Variants in SCHIP1 observed in about 807,000 individuals in gnomAD.
SCHIP1 encodes schwannomin interacting protein 1.
A neutral mutation model predicts 29.7 loss-of-function variants in SCHIP1; 8 were observed. The observed-to-expected ratio is 0.27, with a 90% CI of 0.16 to 0.49. The LOEUF (loss-of-function observed/expected upper bound fraction) is 0.49, where lower values mean the gene tolerates loss of function less well. Among genes scored for constraint, SCHIP1 ranks in the 20% least tolerant of loss-of-function variants. SCHIP1 has a pLI of 0.99. For synonymous variants in SCHIP1, 76 were observed against 94.9 expected, an observed-to-expected ratio of 0.80 and a Z score of 1.16; for missense variants, 193 against 294.6, an observed-to-expected ratio of 0.66 and a Z score of 2.52.
the SCHIP1 span, among the ~76,000 whole-genome samples, chr3:159,431,616 C>T: frequency 6.6e-6 from 1 of 151,922 alleles, no homozygotes; most frequent in African/African-American, 2.4e-5. Context: ...AGTAGGTATC[C>T]TGGCTAAGAT....
At chr3:159,895,779 T>A (rs1170872607) in intron 6 of SCHIP1, among the ~76,000 whole-genome samples, 1 of 152,342 alleles carries the variant, frequency 6.6e-6, no homozygotes, top group East Asian at 1.9e-4. Context: ...CACTGGAACC[T>A]CCACCTCCCG....
chr3:159,539,587 C>G, the SCHIP1 span, among the ~76,000 whole-genome samples: 660 of 135,210 alleles, frequency 4.9e-3, 94 homozygotes, highest in South Asian at 0.03. Context: ...ATGGCAGATC[C>G]TTGAGGCTAG....
the SCHIP1 span, among the ~76,000 whole-genome samples, chr3:159,394,378 TC>T: frequency 1.3e-5 from 2 of 152,252 alleles, no homozygotes; most frequent in African/African-American, 2.4e-5. Flanking sequence ...AGAGAGGGCA[TC>T]CCTGTCTTGT....
chr3:159,544,887 C>A, the SCHIP1 span, among the ~76,000 whole-genome samples: 1 of 151,994 alleles, frequency 6.6e-6, no homozygotes, highest in Non-Finnish European at 1.5e-5. Flanking sequence ...TATATGGTAT[C>A]TTTTGTTTCC....
the SCHIP1 span, among the ~76,000 whole-genome samples, chr3:159,335,753 T>C: frequency 6.6e-6 from 1 of 152,204 alleles, no homozygotes; most frequent in African/African-American, 2.4e-5. Flanking sequence ...TTGTTGGAAA[T>C]TTGGGTTGGT....
At chr3:159,744,484 A>G in the SCHIP1 span, among the ~76,000 whole-genome samples, 1 of 152,242 alleles carries the variant, frequency 6.6e-6, no homozygotes, top group Non-Finnish European at 1.5e-5. Flanking sequence ...AGTGAGGAGC[A>G]CTAGAACTTA....
the SCHIP1 span, among the ~76,000 whole-genome samples, chr3:159,480,268 G>A: frequency 3.3e-4 from 50 of 152,254 alleles, no homozygotes; most frequent in African/African-American, 1.1e-3. Flanking sequence ...GTATGAGTAT[G>A]TGGTTATAAT....
At chr3:159,801,521 A>ACATTT in the SCHIP1 span, among the ~76,000 whole-genome samples, 1 of 152,196 alleles carries the variant, frequency 6.6e-6, no homozygotes, top group African/African-American at 2.4e-5. Flanking sequence ...TTCTGCATGG[A>ACATTT]CATTTTGTTA....
chr3:159,505,577 C>T, the SCHIP1 span, among the ~76,000 whole-genome samples: 47 of 152,304 alleles, frequency 3.1e-4, no homozygotes, highest in African/African-American at 8.9e-4. Flanking sequence ...CACCCATTAA[C>T]TCATCATCTA....
the SCHIP1 span, among the ~76,000 whole-genome samples, chr3:159,715,118 T>G: frequency 1.3e-5 from 2 of 152,314 alleles, no homozygotes; most frequent in South Asian, 4.1e-4. Context: ...CTGCTGGTAA[T>G]ACCCAGGCAA....
chr3:159,368,197 C>T, the SCHIP1 span, among the ~76,000 whole-genome samples: 1 of 152,206 alleles, frequency 6.6e-6, no homozygotes, highest in Non-Finnish European at 1.5e-5. Flanking sequence ...TCTGTATCCT[C>T]TACAACTTCT....
At chr3:159,887,404 T>C in intron 3 of SCHIP1, 1 of 306,910 alleles carries the variant, frequency 3.3e-6, no homozygotes, top group Non-Finnish European at 6.2e-6. Flanking sequence ...TTCGAGTCAA[T>C]ATTTTGTTAT....
the SCHIP1 span, among the ~76,000 whole-genome samples, chr3:159,677,487 G>T: frequency 6.6e-6 from 1 of 152,194 alleles, no homozygotes; most frequent in Admixed American, 6.5e-5. Context: ...GCCATGTTCT[G>T]GTGTGGACCC....
chr3:159,747,913 A>G, the SCHIP1 span, among the ~76,000 whole-genome samples: 1 of 152,226 alleles, frequency 6.6e-6, no homozygotes, highest in South Asian at 2.1e-4. Flanking sequence ...AAATGGACAG[A>G]TTTGTCTCAT....
At chr3:159,868,587 C>T (rs1714907816) in intron 2 of SCHIP1, among the ~76,000 whole-genome samples, 1 of 152,064 alleles carries the variant, frequency 6.6e-6, no homozygotes. Context: ...ACTATGGTTA[C>T]TTGAGAAATT....
At chr3:159,488,917 T>C in the SCHIP1 span, among the ~76,000 whole-genome samples, 3 of 152,220 alleles carry the variant, frequency 2.0e-5, no homozygotes, top group Non-Finnish European at 2.9e-5. Flanking sequence ...ATTCCCAAGA[T>C]AATGGAGCAC....
chr3:159,602,050 T>C, the SCHIP1 span, among the ~76,000 whole-genome samples: 39 of 152,286 alleles, frequency 2.6e-4, no homozygotes, highest in African/African-American at 8.7e-4. Flanking sequence ...GTTTCCAAAT[T>C]GCCACCCATC....
chr3:159,841,263 A>G (rs1037566215), intron 1 of SCHIP1, among the ~76,000 whole-genome samples: 6 of 152,330 alleles, frequency 3.9e-5, no homozygotes, highest in African/African-American at 1.4e-4. Context: ...TGCCTATGAA[A>G]TGTATTTATA....
At chr3:159,284,490 T>C in the SCHIP1 span, among the ~76,000 whole-genome samples, 1 of 152,078 alleles carries the variant, frequency 6.6e-6, no homozygotes, top group African/African-American at 2.4e-5. Context: ...ACTTTAGGTG[T>C]TTTGTTTTGT....
Sources: allele counts gnomAD v4.1 joint callset (sites outside exome capture counted in the v4.1 genomes callset), GRCh38; gene constraint gnomAD v4.1.1; transcripts MANE v1.5; gene names NCBI Gene and HGNC (gene_info 2026-07-23, HGNC 2026-07-21).